Variants in POLN observed in about 807,000 individuals in gnomAD.
The protein encoded by POLN is DNA polymerase nu, also known as DNA polymerase N.
Under a neutral mutation model 113.5 loss-of-function variants are expected in POLN, and 108 were observed. That is an observed-to-expected ratio of 0.95 (90% confidence interval 0.81 to 1.12). The LOEUF (loss-of-function observed/expected upper bound fraction) is 1.12. Among genes scored for constraint, POLN ranks in the 50% most tolerant of loss-of-function variants. The pLI, the probability that POLN is intolerant of heterozygous loss-of-function variation, is 0.00. For synonymous variants in POLN, 386 were observed against 391.5 expected (o/e 0.99, Z 0.17); for missense variants, 1,097 against 1,077.1 (o/e 1.02, Z -0.26).
chr4:2,208,106 C>T lies in POLN; in HGVS notation c.595G>A (p.Asp199Asn), dbSNP rs1400367418. 1 of 1,614,078 alleles carries T rather than the reference C, an allele frequency of 6.2e-7. No homozygotes were observed. The highest frequency in any genetic ancestry group is 1.7e-5 in the Admixed American group (1 of 60,006). The stretch of plus-strand genomic sequence containing the variant: ...GCCCAATCATCCAAATGCCTAATAT[C>T]ACAAAAATGTTTTTTCAATGCTCCT... ...NSGALKKHFC[D>N]IRHLDDWAKS... Residue 199 changes from aspartate (D) to asparagine (N), a missense_variant, in exon 5 of 26, where the codon GAT becomes AAT. Coordinates refer to ENST00000511885, the MANE Select transcript of POLN (RefSeq NM_181808.4).
At chr4:2,176,390 CCA>C in intron 8 of POLN, 56 bp from the exon 9 acceptor site, 1 of 1,340,376 alleles carries the variant, frequency 7.5e-7, no homozygotes, top group Non-Finnish European at 1.0e-6. Flanking sequence ...GCAGTGCTCA[CCA>C]CAGTCTGTAA....
intron 23 of POLN, among the ~76,000 whole-genome samples, 182 bp from the exon 24 acceptor site, chr4:2,075,701 C>G (rs188281784): frequency 2.1e-4 from 32 of 152,324 alleles, no homozygotes; most frequent in African/African-American, 7.7e-4. Context: ...CACTGAGGCC[C>G]AAGAGGATGT....
intron 2 of POLN, chr4:2,232,025 A>G (rs1220177499): frequency 6.6e-7 from 1 of 1,511,570 alleles, no homozygotes; most frequent in Non-Finnish European, 9.1e-7. Flanking sequence ...TATACATAGA[A>G]TTCTCTTTCC....
intron 20 of POLN, among the ~76,000 whole-genome samples, chr4:2,087,600 G>C (rs560036277): frequency 6.6e-6 from 1 of 152,128 alleles, no homozygotes; most frequent in African/African-American, 2.4e-5. Flanking sequence ...CATTTATTAA[G>C]AGCATATTTT....
At chr4:2,134,102 T>C (rs1210243710) in intron 16 of POLN, among the ~76,000 whole-genome samples, 2 of 152,248 alleles carry the variant, frequency 1.3e-5, no homozygotes, top group Admixed American at 1.3e-4. Context: ...TAATTTGGAA[T>C]CGTGTGGTAT....
intron 3 of POLN, among the ~76,000 whole-genome samples, chr4:2,219,161 C>T (rs1560097915): frequency 6.6e-6 from 1 of 152,124 alleles, no homozygotes; most frequent in Non-Finnish European, 1.5e-5. Flanking sequence ...AAAATGGCTT[C>T]GGAGTGAGCC....
Position 2,229,162 on chromosome 4 carries a change from T to A in POLN, c.70A>T (p.Ile24Phe), listed in dbSNP as rs959522102. 1 of 1,610,976 alleles carries A rather than the reference T, an allele frequency of 6.2e-7. No homozygotes were observed. Among genetic ancestry groups the A allele is most frequent in the Non-Finnish European group, 8.5e-7 (1 of 1,177,148 alleles). The part of the protein sequence containing the change: ...NTPLSSVAQK[I>F]MSAMHSGDLV... The stretch of plus-strand genomic sequence containing the variant: ...TCACCTGAATGCATAGCAGACATAA[T>A]CTTCTGAGCAACACTGGAGAGCGGT... Residue 24 changes from isoleucine to phenylalanine, a missense_variant, in exon 3 of 26, where the codon ATT becomes TTT. By Grantham distance (21) the Ile-to-Phe change is conservative (BLOSUM62 0). Coordinates refer to ENST00000511885, the MANE Select transcript of POLN (RefSeq NM_181808.4).
At chr4:2,146,795 G>A (rs929408319) in intron 16 of POLN, among the ~76,000 whole-genome samples, 10 of 152,130 alleles carry the variant, frequency 6.6e-5, no homozygotes, top group African/African-American at 2.4e-4. Flanking sequence ...CTCGACAGAG[G>A]TAACAACAGC....
At chr4:2,195,952 G>GT (rs555060310) in intron 6 of POLN, among the ~76,000 whole-genome samples, 20 of 152,096 alleles carry the variant, frequency 1.3e-4, no homozygotes, top group Non-Finnish European at 2.2e-4. Context: ...TTAAGGGAAA[G>GT]TTTGGGGGAG....
In POLN at chr4:2,081,002, G is replaced by C. The variant is rs1730400137; in HGVS notation, c.2343C>G (p.Ile781Met). The change falls in exon 23 of 26, where the codon ATC becomes ATG. Residue 781 changes from isoleucine (I) to methionine (M), a missense_variant. Ile to Met is a conservative substitution (Grantham distance 10). Coordinates refer to ENST00000511885, the MANE Select transcript of POLN (RefSeq NM_181808.4). ...SAADLCKLAM[I>M]HVFTAVAASH... ...AAGCAGCCACTGCAGTGAAGACATGGATCATGGCCAGCTTGCAGAGGTCAG... is the reference window on the plus strand; with the variant it reads ...AAGCAGCCACTGCAGTGAAGACATGCATCATGGCCAGCTTGCAGAGGTCAG... The C allele has an allele frequency of 4.3e-6, 7 of 1,613,858 alleles. No individual in the cohort carries two copies. The highest frequency in any genetic ancestry group is 2.2e-5 in the East Asian group (1 of 44,884).
At chr4:2,184,932 CAATT>C in intron 7 of POLN, among the ~76,000 whole-genome samples, 1 of 152,132 alleles carries the variant, frequency 6.6e-6, no homozygotes, top group East Asian at 1.9e-4. Flanking sequence ...TTCTATGAAA[CAATT>C]CATTATTTTG....
chr4:2,224,925 G>C (rs1016763514), intron 3 of POLN, among the ~76,000 whole-genome samples: 28 of 152,072 alleles, frequency 1.8e-4, no homozygotes, highest in Non-Finnish European at 3.2e-4. Flanking sequence ...ACTCCAGCCT[G>C]GGTGACAAGA....
intron 19 of POLN, among the ~76,000 whole-genome samples, chr4:2,097,265 G>A (rs577954229): frequency 6.6e-6 from 1 of 152,234 alleles, no homozygotes; most frequent in Admixed American, 6.5e-5. Context: ...CCAGAAGCAG[G>A]GACCAGGTCC....
chr4:2,072,925 C>T, intron 25 of POLN, 43 bp downstream of exon 25: 3 of 1,605,906 alleles, frequency 1.9e-6, no homozygotes, highest in Non-Finnish European at 1.7e-6. Context: ...CCTCCCCTCA[C>T]CCTGGGCTCC....
intron 23 of POLN, chr4:2,078,483 T>C: frequency 1.3e-6 from 1 of 757,564 alleles, no homozygotes; most frequent in Non-Finnish European, 1.6e-6. Context: ...CTTTTTTTTT[T>C]TTTTTGTTAG....
chr4:2,192,802 T>C (rs1733484097), intron 7 of POLN, among the ~76,000 whole-genome samples: 1 of 150,084 alleles, frequency 6.7e-6, no homozygotes, highest in Non-Finnish European at 1.5e-5. Context: ...ACTCCATCTC[T>C]AAAAAAATAA....
In POLN at chr4:2,229,299, A is replaced by T. The variant is rs185955462; in HGVS notation, c.-12-56T>A. ...CATATATTAATCCTAAGACTATAAA[A>T]CAGGAAATACAATTATTTTCAAAAA... On this transcript the variant is annotated intron_variant, in intron 2 of 25. Coordinates refer to ENST00000511885, the MANE Select transcript of POLN (RefSeq NM_181808.4). 673 of 1,337,918 alleles carry T rather than the reference A, an allele frequency of 5.0e-4. 4 individuals are homozygous for T. The African/African-American group carries it at 9.1e-3, about 18-fold the overall frequency. The allele number at this position is 1,337,918 out of a possible 1,614,324, so 82.9% of individuals were successfully genotyped here. A position where few individuals can be genotyped will look rare whatever the true frequency, so the allele number is the denominator to read the frequency against.
chr4:2,173,894 G>A, intron 11 of POLN, 61 bp downstream of exon 11: 2 of 1,490,430 alleles, frequency 1.3e-6, no homozygotes, highest in Admixed American at 1.7e-5. Context: ...CTGCCACTGG[G>A]AACAACTATC....
intron 16 of POLN, among the ~76,000 whole-genome samples, chr4:2,145,620 T>C (rs1732118806): frequency 6.6e-6 from 1 of 152,156 alleles, no homozygotes; most frequent in Non-Finnish European, 1.5e-5. Flanking sequence ...ACTCATCAAA[T>C]TGGCAAAAAC....
Sources: gnomAD v4.1 joint callset for allele counts (sites outside exome capture counted in the v4.1 genomes callset) on GRCh38, gnomAD v4.1.1 for gene constraint, MANE v1.5 for transcripts, NCBI Gene and HGNC (gene_info 2026-07-23, HGNC 2026-07-21) for gene names.